DMD: variants seen among roughly 807,000 people sequenced by gnomAD.
DMD encodes the protein dystrophin.
In DMD, 63 loss-of-function variants were observed where a neutral mutation model predicts 330.1. The observed-to-expected ratio is 0.19, with a 90% CI of 0.16 to 0.24. The LOEUF is 0.24. Ranked by LOEUF, DMD falls within the 10% of genes least tolerant of loss-of-function variation. The pLI, the probability that DMD is intolerant of heterozygous loss-of-function variation, is 1.00. For synonymous variants in DMD, 1,223 were observed against 959.8 expected (o/e 1.27, Z -5.07); for missense variants, 3,344 against 2,684.1 (o/e 1.25, Z -5.43).
chrX:32,816,014 GTTTC>G (rs2077731349), intron 6 of DMD, among the ~76,000 whole-genome samples: 1 of 111,241 alleles, frequency 9.0e-6, no homozygotes, highest in South Asian at 3.7e-4. Context: ...TAAGACAGAT[GTTTC>G]TTTCTCCACA....
intron 51 of DMD, among the ~76,000 whole-genome samples, chrX:31,733,618 C>T (rs911072343): frequency 9.0e-6 from 1 of 111,318 alleles, no homozygotes; most frequent in African/African-American, 3.3e-5. Context: ...GTTTACGGAA[C>T]CATTTTATGT....
At chrX:32,526,949 C>G (rs3805061) in intron 17 of DMD, among the ~76,000 whole-genome samples, 47,898 of 110,786 alleles carry the variant, frequency 0.43, 7,597 homozygotes, top group African/African-American at 0.5. Context: ...ATACAAGTTG[C>G]AACTCATCAT....
At chrX:31,811,981 A>G (rs1227943199) in intron 50 of DMD, among the ~76,000 whole-genome samples, 3 of 110,829 alleles carry the variant, frequency 2.7e-5, no homozygotes, top group African/African-American at 9.8e-5. Context: ...AACGAAGGCC[A>G]TTTTCACAAA....
chrX:32,716,058 T>C (rs2065686611), intron 7 of DMD, among the ~76,000 whole-genome samples: 1 of 111,864 alleles, frequency 8.9e-6, no homozygotes, highest in Non-Finnish European at 1.9e-5. Context: ...ATATATTTCA[T>C]GTAACTTTCT....
intron 2 of DMD, among the ~76,000 whole-genome samples, chrX:33,006,046 A>G (rs6631710): frequency 0.39 from 42,817 of 110,457 alleles, 6,369 homozygotes; most frequent in East Asian, 0.48. Context: ...TCTAAAAAAT[A>G]TACAAGATCT....
chrX:32,823,513 T>C, intron 4 of DMD, 126 bp from the exon 5 acceptor site: 1 of 501,017 alleles, frequency 2.0e-6, no homozygotes, highest in Non-Finnish European at 3.4e-6. Flanking sequence ...TTGAAGCTTT[T>C]TGAAAATAAT....
intron 13 of DMD, among the ~76,000 whole-genome samples, chrX:32,595,250 G>T: frequency 9.0e-6 from 1 of 111,371 alleles, no homozygotes; most frequent in South Asian, 3.8e-4. Context: ...AAAGCAAGTA[G>T]AAAACAAATA....
intron 44 of DMD, among the ~76,000 whole-genome samples, chrX:32,064,965 G>T (rs937223199): frequency 1.8e-5 from 2 of 111,320 alleles, no homozygotes; most frequent in African/African-American, 6.5e-5. Context: ...TGCATGGAGT[G>T]AACTGATGTC....
At chrX:33,115,139 C>G in intron 1 of DMD, among the ~76,000 whole-genome samples, 1 of 112,188 alleles carries the variant, frequency 8.9e-6, no homozygotes, top group Non-Finnish European at 1.9e-5. Context: ...TTCATGTTTA[C>G]TACCAAACAT....
chrX:32,605,865 T>A (rs2056651543), intron 12 of DMD, among the ~76,000 whole-genome samples: 1 of 109,946 alleles, frequency 9.1e-6, no homozygotes, highest in African/African-American at 3.3e-5. Context: ...CACCAATCAG[T>A]ATGGCTATTA....
rs1261157589 is a variant in DMD at position 31,274,250 on chromosome X, T to C, written c.9225-13234A>G. ...TTTGTGTGTGTGCAAGATAAGGCAC[T>C]AGCTGTAGCCTGAGATAGGCATAAA... On this transcript the variant is annotated intron_variant, in intron 62 of 78. Transcript: ENST00000357033. Among the ~76,000 whole-genome samples the C allele has an allele frequency of 8.9e-5, 10 of 112,319 alleles. No individual in the cohort carries two copies. In the East Asian group the frequency reaches 2.5e-3, roughly 28 times the overall value.
chrX:32,713,108 TTAAG>T (rs779688541), intron 7 of DMD, among the ~76,000 whole-genome samples: 2 of 112,110 alleles, frequency 1.8e-5, no homozygotes, highest in South Asian at 3.7e-4. Context: ...TCATACTATG[TTAAG>T]TATGTTATAA....
Position 32,623,891 on chromosome X carries a change from G to A in DMD, c.1332-9438C>T, listed in dbSNP as rs758586679. Among the ~76,000 whole-genome samples, 8 of 112,040 alleles carry A rather than the reference G, an allele frequency of 7.1e-5. No individual in the cohort carries two copies. In the East Asian group the frequency reaches 2.2e-3, roughly 31 times the overall value. On this transcript the variant is annotated intron_variant, in intron 11 of 78. Transcript: ENST00000357033. ...GCTGGCACAGTGGCATGTGAAGCCA[G>A]TATAGAAATCACAAACCCTGTGTGA...
At chrX:32,298,407 C>G (rs1307848730) in intron 42 of DMD, among the ~76,000 whole-genome samples, 4 of 109,986 alleles carry the variant, frequency 3.6e-5, no homozygotes, top group African/African-American at 1.3e-4. Context: ...AATGGAGTTG[C>G]CATTAACTAT....
intron 30 of DMD, among the ~76,000 whole-genome samples, chrX:32,398,151 A>G (rs12387424): frequency 0.03 from 3,312 of 110,477 alleles, 114 homozygotes; most frequent in African/African-American, 0.1. Context: ...TGCAAGAAAT[A>G]TAATTATTTT....
At chrX:32,217,268 A>G (rs980726714) in intron 43 of DMD, among the ~76,000 whole-genome samples, 3 of 111,666 alleles carry the variant, frequency 2.7e-5, no homozygotes, top group East Asian at 5.6e-4. Flanking sequence ...AATACTCAAT[A>G]TAAAAGCTGA....
chrX:32,933,874 G>T (rs372838294), intron 2 of DMD, among the ~76,000 whole-genome samples: 1 of 111,610 alleles, frequency 9.0e-6, no homozygotes, highest in South Asian at 3.8e-4. Context: ...ACTAGAACAC[G>T]GGGCAGTGAG....
intron 47 of DMD, among the ~76,000 whole-genome samples, chrX:31,888,647 C>G (rs900368407): frequency 2.7e-5 from 3 of 111,795 alleles, no homozygotes; most frequent in African/African-American, 9.8e-5. Context: ...TTCCCAGGCA[C>G]AAAACTCGAT....
chrX:33,032,725 T>C (rs565705976), intron 1 of DMD, among the ~76,000 whole-genome samples: 6 of 112,317 alleles, frequency 5.3e-5, no homozygotes, highest in Admixed American at 4.7e-4. Context: ...AGAAAACAAT[T>C]TAAGTGGAAA....
Sources: allele counts gnomAD v4.1 joint callset (sites outside exome capture counted in the v4.1 genomes callset), GRCh38; gene constraint gnomAD v4.1.1; transcripts MANE v1.5; gene names NCBI Gene and HGNC (gene_info 2026-07-23, HGNC 2026-07-21).